SMAD9: variants seen among roughly 807,000 people sequenced by gnomAD.
The protein encoded by SMAD9 is MAD homolog 9.
In SMAD9, 36 loss-of-function variants were observed where a neutral mutation model predicts 46.1. The observed-to-expected ratio is 0.78, with a 90% CI of 0.60 to 1.03. The LOEUF (loss-of-function observed/expected upper bound fraction) is 1.03. Among genes scored for constraint, SMAD9 ranks in the 50% least tolerant of loss-of-function variants. SMAD9 has a pLI of 0.00. For missense variants in SMAD9, 572 were observed against 599.8 expected (o/e 0.95, Z 0.48); for synonymous variants, 245 against 237.1 (o/e 1.03, Z -0.31).
Position 36,846,343 on chromosome 13 carries a change from T to G in SMAD9, c.*2333A>C, listed in dbSNP as rs140021744. The G allele has an allele frequency of 6.6e-6, 1 of 151,276 alleles. No homozygotes were observed. Among genetic ancestry groups the G allele is most frequent in the African/African-American group, 2.4e-5 (1 of 41,174 alleles). The allele number at this position is 151,276 out of a possible 1,614,324, so 9.4% of individuals were successfully genotyped here. A position where few individuals can be genotyped will look rare whatever the true frequency, so the allele number is the denominator to read the frequency against. Reference sequence around the variant, plus strand: ...TAAAAATATAAAAATTAGCTGGGCGTGGTAGCCTGTAGTCCCAACTACTTG... The same window carrying G: ...TAAAAATATAAAAATTAGCTGGGCGGGGTAGCCTGTAGTCCCAACTACTTG... On this transcript the variant is annotated 3_prime_UTR_variant, in exon 7 of 7. Transcript: ENST00000379826.
intron 5 of SMAD9, among the ~76,000 whole-genome samples, chr13:36,856,047 G>A (rs767124051): frequency 3.9e-5 from 6 of 152,154 alleles, no homozygotes; most frequent in Non-Finnish European, 7.3e-5. Context: ...GTGGTGCCAG[G>A]GGGCAGAAGG....
At chr13:36,870,456 A>G (rs1273996980) in intron 3 of SMAD9, among the ~76,000 whole-genome samples, 1 of 152,164 alleles carries the variant, frequency 6.6e-6, no homozygotes, top group African/African-American at 2.4e-5. Flanking sequence ...ACCCTACAGT[A>G]AGTCCTGTTG....
At chr13:36,919,458 CTTTT>C (rs1194763036) in intron 1 of SMAD9, among the ~76,000 whole-genome samples, 1 of 152,142 alleles carries the variant, frequency 6.6e-6, no homozygotes, top group Non-Finnish European at 1.5e-5. Context: ...ACATTCCTAA[CTTTT>C]TTTCTCAGTT....
At chr13:36,891,337 T>C (rs2058487576) in intron 1 of SMAD9, among the ~76,000 whole-genome samples, 1 of 152,208 alleles carries the variant, frequency 6.6e-6, no homozygotes, top group Non-Finnish European at 1.5e-5. Context: ...GCATGAGCTA[T>C]ACTTTCCCAG....
intron 1 of SMAD9, among the ~76,000 whole-genome samples, chr13:36,898,001 C>T (rs1440153180): frequency 5.3e-5 from 8 of 151,680 alleles, no homozygotes; most frequent in Non-Finnish European, 7.4e-5. Context: ...GGACTACAGG[C>T]GCCCGCCACC....
At chr13:36,909,047 C>G (rs961113980) in intron 1 of SMAD9, among the ~76,000 whole-genome samples, 1 of 152,190 alleles carries the variant, frequency 6.6e-6, no homozygotes, top group African/African-American at 2.4e-5. Flanking sequence ...ATACAGTTCT[C>G]TTGGCCACTC....
intron 2 of SMAD9, among the ~76,000 whole-genome samples, chr13:36,874,854 CAAAAAAA>C (rs529721275): frequency 3.0e-5 from 2 of 66,066 alleles, no homozygotes; most frequent in Admixed American, 2.5e-4. Flanking sequence ...GACTCCGTCC[CAAAAAAA>C]AAAAAAAAAA....
At chr13:36,872,987 C>A in intron 2 of SMAD9, 72 bp from the exon 3 acceptor site, 1 of 1,531,206 alleles carries the variant, frequency 6.5e-7, no homozygotes, top group African/African-American at 1.4e-5. Context: ...TGGATACTTG[C>A]TGTTCTTATC....
At chr13:36,859,577 G>A (rs976993417) in intron 5 of SMAD9, among the ~76,000 whole-genome samples, 7 of 152,164 alleles carry the variant, frequency 4.6e-5, no homozygotes, top group African/African-American at 1.4e-4. Context: ...ATTTACAAAT[G>A]CCATGGCGAA....
At chr13:36,904,719 C>T (rs1280727069) in intron 1 of SMAD9, among the ~76,000 whole-genome samples, 1 of 152,230 alleles carries the variant, frequency 6.6e-6, no homozygotes, top group Non-Finnish European at 1.5e-5. Context: ...TCTATTTTCA[C>T]TTGGAACTAC....
intron 6 of SMAD9, among the ~76,000 whole-genome samples, chr13:36,850,499 C>A (rs2058065791): frequency 6.6e-6 from 1 of 152,306 alleles, no homozygotes; most frequent in East Asian, 1.9e-4. Flanking sequence ...CCTGCCTAAG[C>A]CTCCCAAGTG....
At chr13:36,894,627 GTCTT>G (rs1270244890) in intron 1 of SMAD9, among the ~76,000 whole-genome samples, 1 of 152,058 alleles carries the variant, frequency 6.6e-6, no homozygotes, top group Non-Finnish European at 1.5e-5. Flanking sequence ...CTTCATTCCT[GTCTT>G]TCTGCTTCCT....
chr13:36,860,212 G>A (rs1404107081), intron 5 of SMAD9, among the ~76,000 whole-genome samples: 1 of 151,994 alleles, frequency 6.6e-6, no homozygotes, highest in African/African-American at 2.4e-5. Context: ...AAATCCTTAT[G>A]TCAAGATAAT....
chr13:36,873,739 T>C (rs1280651886), intron 2 of SMAD9, among the ~76,000 whole-genome samples: 1 of 152,124 alleles, frequency 6.6e-6, no homozygotes, highest in Non-Finnish European at 1.5e-5. Context: ...GGCGGGCACC[T>C]GTAATCCCAG....
intron 1 of SMAD9, among the ~76,000 whole-genome samples, chr13:36,909,408 G>C (rs2058642766): frequency 6.6e-6 from 1 of 152,320 alleles, no homozygotes; most frequent in Admixed American, 6.5e-5. Flanking sequence ...TGATACAAGA[G>C]AAGGCCAGCA....
intron 4 of SMAD9, 134 bp downstream of exon 4, chr13:36,867,139 C>T (rs981147977): frequency 7.7e-6 from 5 of 652,164 alleles, no homozygotes; most frequent in Non-Finnish European, 1.4e-5. Flanking sequence ...AAAGCCATCC[C>T]ATTTGCCTCT....
chr13:36,853,791 C>G, intron 5 of SMAD9, 116 bp from the exon 6 acceptor site: 2 of 1,003,188 alleles, frequency 2.0e-6, no homozygotes, highest in Admixed American at 1.8e-5. Flanking sequence ...GATCACTGAT[C>G]AGATGAATGA....
At chr13:36,905,540 G>A (rs1057434869) in intron 1 of SMAD9, among the ~76,000 whole-genome samples, 1 of 151,914 alleles carries the variant, frequency 6.6e-6, no homozygotes, top group African/African-American at 2.4e-5. Context: ...CAGATGGCTT[G>A]AGCCCAGGAG....
At chr13:36,874,542 GAGGA>G (rs982055199) in intron 2 of SMAD9, among the ~76,000 whole-genome samples, 1 of 151,998 alleles carries the variant, frequency 6.6e-6, no homozygotes, top group African/African-American at 2.4e-5. Flanking sequence ...ATGAGAAGAG[GAGGA>G]AGGAAGAAGA....
Sources: allele counts gnomAD v4.1 joint callset (sites outside exome capture counted in the v4.1 genomes callset), GRCh38; gene constraint gnomAD v4.1.1; transcripts MANE v1.5; gene names NCBI Gene and HGNC (gene_info 2026-07-23, HGNC 2026-07-21).